The following SNAP25 variants were observed in gnomAD, a reference collection of about 807,000 sequenced individuals.
The protein encoded by SNAP25 is synaptosome associated protein 25, also known as synaptosomal-associated protein 25.
In SNAP25, 3 loss-of-function variants were observed where a neutral mutation model predicts 28.7. The ratio of observed to expected loss-of-function variants is 0.10; its 90% CI spans 0.05 to 0.27. The LOEUF is 0.27. SNAP25 is among the 10% of genes least tolerant of loss of function. SNAP25 has a pLI of 1.00. For synonymous variants in SNAP25, 61 were observed against 88.1 expected (o/e 0.69, Z 1.72); for missense variants, 117 against 278.7 (o/e 0.42, Z 4.13).
At chr20:10,280,246 C>T (rs1449018911) in intron 3 of SNAP25, among the ~76,000 whole-genome samples, 1 of 152,148 alleles carries the variant, frequency 6.6e-6, no homozygotes, top group Non-Finnish European at 1.5e-5. Context: ...GGGGTGGGGC[C>T]TTGCTTTTTA....
At chr20:10,305,912 C>A (rs73896517) in intron 7 of SNAP25, among the ~76,000 whole-genome samples, 1 of 150,976 alleles carries the variant, frequency 6.6e-6, no homozygotes, top group Non-Finnish European at 1.5e-5. Flanking sequence ...AAAATATATT[C>A]GTTCATTAAA....
At chr20:10,289,963 A>G (rs2063963039) in intron 4 of SNAP25, among the ~76,000 whole-genome samples, 1 of 151,956 alleles carries the variant, frequency 6.6e-6, no homozygotes, top group African/African-American at 2.4e-5. Flanking sequence ...CCCAACATAT[A>G]GTGTCACCTA....
chr20:10,271,455 G>T (rs1238344548), intron 1 of SNAP25, among the ~76,000 whole-genome samples: 2 of 152,198 alleles, frequency 1.3e-5, no homozygotes, highest in Non-Finnish European at 2.9e-5. Flanking sequence ...AGATTCATCA[G>T]CCCTCCTCCC....
intron 1 of SNAP25, among the ~76,000 whole-genome samples, chr20:10,254,434 C>G (rs144802841): frequency 2.6e-5 from 4 of 152,182 alleles, no homozygotes; most frequent in Admixed American, 6.5e-5. Flanking sequence ...TGATCTCCCC[C>G]CAGAGCATTC....
chr20:10,223,055 A>C (rs1015324282), intron 1 of SNAP25, among the ~76,000 whole-genome samples: 1 of 152,318 alleles, frequency 6.6e-6, no homozygotes, highest in African/African-American at 2.4e-5. Flanking sequence ...GGGAGGAATG[A>C]AAAAAGTTGT....
chr20:10,274,830 G>A (rs542085687), intron 1 of SNAP25, among the ~76,000 whole-genome samples: 23 of 152,154 alleles, frequency 1.5e-4, no homozygotes, highest in Admixed American at 4.6e-4. Context: ...GCGACAGAGC[G>A]AGACTCTGTC....
At chr20:10,301,895 T>C in intron 7 of SNAP25, among the ~76,000 whole-genome samples, 1 of 146,812 alleles carries the variant, frequency 6.8e-6, no homozygotes, top group East Asian at 1.9e-4. Flanking sequence ...ATATATTATA[T>C]GTATATGGTT....
chr20:10,263,660 C>G (rs915134299), intron 1 of SNAP25, among the ~76,000 whole-genome samples: 3 of 152,078 alleles, frequency 2.0e-5, no homozygotes, highest in Non-Finnish European at 4.4e-5. Flanking sequence ...TACTCATCTC[C>G]CAAGAACCAA....
At chr20:10,242,593 G>C (rs972512762) in intron 1 of SNAP25, among the ~76,000 whole-genome samples, 4 of 152,138 alleles carry the variant, frequency 2.6e-5, no homozygotes, top group African/African-American at 9.7e-5. Flanking sequence ...AGGAGAGGGA[G>C]GATGCCTAGA....
At chr20:10,283,178 A>T (rs2063810407) in intron 3 of SNAP25, among the ~76,000 whole-genome samples, 1 of 152,200 alleles carries the variant, frequency 6.6e-6, no homozygotes, top group Admixed American at 6.5e-5. Context: ...GCATTTTCTG[A>T]ATATATTTAT....
At position 10,293,363 on chromosome 20, in the gene SNAP25, G is replaced by A; in HGVS notation, c.281+85G>A. 3 of 982,048 alleles carry A rather than the reference G, an allele frequency of 3.1e-6. No homozygotes were observed. In the South Asian group the frequency reaches 4.0e-5, roughly 13 times the overall value. 60.8% of individuals were successfully genotyped at this position (982,048 alleles called of 1,614,324 possible). ...CAAGCTCATTCCTGCCAAGCTCATA[G>A]GCAGGATGAGCATGTGGCATGCAGA... On this transcript the variant is annotated intron_variant, in intron 5 of 7. Transcript: ENST00000254976. The surrounding 1 kb of genome is among the most constrained non-coding windows in gnomAD (Gnocchi z 5.6).
In SNAP25 at chr20:10,236,848, C is replaced by T. The variant is rs576565443; in HGVS notation, c.-64+17871C>T. ...TCTGATACCTGGCTGTACATTTGCT[C>T]GACTCACTTCAGATATCAAATAGAA... On this transcript the variant is annotated intron_variant, in intron 1 of 7. Transcript: ENST00000254976. Among the ~76,000 whole-genome samples, 7 of 152,040 alleles carry T rather than the reference C, an allele frequency of 4.6e-5. No individual in the cohort carries two copies. The South Asian group carries it at 1.5e-3, about 32-fold the overall frequency.
chr20:10,242,502 T>A (rs1489936133), intron 1 of SNAP25, among the ~76,000 whole-genome samples: 2 of 152,118 alleles, frequency 1.3e-5, no homozygotes, highest in Admixed American at 6.5e-5. Flanking sequence ...GGGGAACAGG[T>A]GCACTTGCTA....
chr20:10,295,471 G>T (rs1225463912), intron 5 of SNAP25, among the ~76,000 whole-genome samples: 1 of 152,100 alleles, frequency 6.6e-6, no homozygotes, highest in Non-Finnish European at 1.5e-5. Flanking sequence ...TCATTGAATG[G>T]GTCCATGGCC....
intron 3 of SNAP25, among the ~76,000 whole-genome samples, chr20:10,281,706 T>G (rs1012734617): frequency 1.6e-4 from 24 of 152,198 alleles, no homozygotes; most frequent in Admixed American, 1.4e-3. Context: ...TTACAATCAT[T>G]ATTTTTCTTT....
chr20:10,272,769 T>G (rs997728175), intron 1 of SNAP25, among the ~76,000 whole-genome samples: 7 of 152,134 alleles, frequency 4.6e-5, no homozygotes, highest in Non-Finnish European at 8.8e-5. Flanking sequence ...CACATAAACT[T>G]ACTCCATTAT....
intron 1 of SNAP25, among the ~76,000 whole-genome samples, chr20:10,237,507 C>A (rs363031): frequency 8.1e-4 from 124 of 152,178 alleles, no homozygotes; most frequent in Non-Finnish European, 1.1e-3. Context: ...AGAATTTTGC[C>A]AACTGTTATC....
intron 7 of SNAP25, among the ~76,000 whole-genome samples, chr20:10,300,532 C>A (rs1056036212): frequency 6.6e-6 from 1 of 152,062 alleles, no homozygotes; most frequent in Non-Finnish European, 1.5e-5. Flanking sequence ...ATAATTCATT[C>A]CATTTTGGTG....
At chr20:10,267,581 T>G (rs1286609582) in intron 1 of SNAP25, among the ~76,000 whole-genome samples, 1 of 152,084 alleles carries the variant, frequency 6.6e-6, no homozygotes, top group Non-Finnish European at 1.5e-5. Flanking sequence ...TGAGACAGAG[T>G]CTCGCTCTGT....
Sources: gnomAD v4.1 joint callset for allele counts (sites outside exome capture counted in the v4.1 genomes callset) on GRCh38, gnomAD v4.1.1 for gene constraint, Gnocchi (gnomAD v3.1) non-coding constraint, MANE v1.5 for transcripts, NCBI Gene and HGNC (gene_info 2026-07-23, HGNC 2026-07-21) for gene names.